PRKN: variants seen among roughly 807,000 people sequenced by gnomAD.
The protein encoded by PRKN is parkin RBR E3 ubiquitin protein ligase, also known as E3 ubiquitin-protein ligase parkin.
A neutral mutation model predicts 59.5 loss-of-function variants in PRKN; 56 were observed. The observed-to-expected ratio is 0.94, with a 90% confidence interval of 0.76 to 1.18. The LOEUF (loss-of-function observed/expected upper bound fraction) is 1.18. Among genes scored for constraint, PRKN ranks in the 50% most tolerant of loss-of-function variants. The probability of loss-of-function intolerance (pLI) is 0.00; values close to 1 mark genes in which losing one functional copy is unlikely to be tolerated. For missense variants in PRKN, 657 were observed against 596.4 expected, an observed-to-expected ratio of 1.10 and a Z score of -1.06; for synonymous variants, 250 against 222.1, an observed-to-expected ratio of 1.13 and a Z score of -1.12.
chr6:162,199,085 A>C (rs1385505057), intron 4 of PRKN, among the ~76,000 whole-genome samples: 2 of 152,120 alleles, frequency 1.3e-5, no homozygotes, highest in Non-Finnish European at 2.9e-5. Flanking sequence ...TTTCAACATG[A>C]ATTCCACCTC....
chr6:162,415,483 A>C (rs1788583246), intron 2 of PRKN, among the ~76,000 whole-genome samples: 1 of 152,154 alleles, frequency 6.6e-6, no homozygotes, highest in Admixed American at 6.5e-5. Context: ...CTACTTTAAG[A>C]GTAGCTGTTC....
intron 1 of PRKN, among the ~76,000 whole-genome samples, chr6:162,659,343 C>T (rs1468765347): frequency 6.6e-6 from 1 of 151,926 alleles, no homozygotes; most frequent in Non-Finnish European, 1.5e-5. Context: ...TTGTAAGCTA[C>T]TTTTCTATAT....
chr6:161,757,871 C>CGCTCTCTCTCTCTCTCTGTG (rs1789002419), intron 7 of PRKN, among the ~76,000 whole-genome samples: 1 of 97,984 alleles, frequency 1.0e-5, no homozygotes. Flanking sequence ...CTCTCTCTCT[C>CGCTCTCTCTCTCTCTCTGTG]TGTGTATATA....
intron 5 of PRKN, among the ~76,000 whole-genome samples, chr6:161,992,784 A>G (rs1193751331): frequency 6.6e-6 from 1 of 152,208 alleles, no homozygotes; most frequent in Non-Finnish European, 1.5e-5. Context: ...GAATAAAACT[A>G]GAAATGATAG....
At chr6:162,505,619 TATACA>T (rs1562339186) in intron 1 of PRKN, among the ~76,000 whole-genome samples, 1 of 152,112 alleles carries the variant, frequency 6.6e-6, no homozygotes, top group African/African-American at 2.4e-5. Context: ...CAAAAGCAAC[TATACA>T]ATACAATTAA....
At chr6:162,280,633 A>T (rs1780849257) in intron 2 of PRKN, among the ~76,000 whole-genome samples, 1 of 152,012 alleles carries the variant, frequency 6.6e-6, no homozygotes, top group Non-Finnish European at 1.5e-5. Context: ...TCTACTAAAA[A>T]TACAAAAATT....
intron 2 of PRKN, among the ~76,000 whole-genome samples, chr6:162,389,095 C>T (rs143599868): frequency 5.3e-5 from 8 of 151,754 alleles, no homozygotes; most frequent in East Asian, 3.9e-4. Flanking sequence ...TAGCCCTTCC[C>T]GATCACTTCT....
At chr6:162,060,054 C>T (rs1200147256) in intron 4 of PRKN, among the ~76,000 whole-genome samples, 2 of 152,214 alleles carry the variant, frequency 1.3e-5, no homozygotes, top group African/African-American at 4.8e-5. Context: ...AACCACACAG[C>T]CTATCACGTT....
At chr6:161,848,936 C>G (rs1793310049) in intron 6 of PRKN, among the ~76,000 whole-genome samples, 1 of 152,110 alleles carries the variant, frequency 6.6e-6, no homozygotes, top group African/African-American at 2.4e-5. Context: ...TTCTGGTGGT[C>G]CTTGGTGACT....
chr6:162,492,110 C>T (rs1792844176), intron 1 of PRKN, among the ~76,000 whole-genome samples: 1 of 152,176 alleles, frequency 6.6e-6, no homozygotes, highest in Non-Finnish European at 1.5e-5. Flanking sequence ...TTCTTTTGGT[C>T]TCCTCTTCTG....
In PRKN at chr6:162,189,026, G is replaced by A. The variant is rs186899452; in HGVS notation, c.534+12105C>T. On this transcript the variant is annotated intron_variant, in intron 4 of 11. Transcript: ENST00000366898. The stretch of plus-strand genomic sequence containing the variant: ...ATTCCTATTCTAATTATCTTCTATA[G>A]GAGGGAATTGAGATTAGACGACTGC... 3.6e-3 allele frequency among the ~76,000 whole-genome samples: 546 copies of A among 151,604 alleles called. 3 individuals carry two copies. The highest frequency in any genetic ancestry group is 0.013 in the African/African-American group (525 of 41,322).
At position 161,823,442 on chromosome 6, in the gene PRKN, G is replaced by A. The variant is rs143004468; in HGVS notation, c.735-37534C>T. On this transcript the variant is annotated intron_variant, in intron 6 of 11. Transcript: ENST00000366898. ...TGGGCTGGGTACACTGCAGACACTAGGAGGAATCCAAACAAACGAATCTTT... is the reference window on the plus strand; with the variant it reads ...TGGGCTGGGTACACTGCAGACACTAAGAGGAATCCAAACAAACGAATCTTT... Among the ~76,000 whole-genome samples, 346 of 152,206 alleles carry A rather than the reference G, an allele frequency of 2.3e-3. 6 individuals carry two copies. The highest frequency in any genetic ancestry group is 0.019 in the East Asian group (96 of 5,168).
chr6:161,944,999 A>G (rs944308729), intron 6 of PRKN, among the ~76,000 whole-genome samples: 5 of 152,194 alleles, frequency 3.3e-5, no homozygotes, highest in Non-Finnish European at 5.9e-5. Flanking sequence ...CTCAAGTTAT[A>G]TATGAGGAAG....
chr6:162,217,802 ATTG>A (rs1302813112), intron 3 of PRKN, among the ~76,000 whole-genome samples: 1 of 152,172 alleles, frequency 6.6e-6, no homozygotes, highest in African/African-American at 2.4e-5. Flanking sequence ...CTATCATGGT[ATTG>A]TTAAGGCTCC....
chr6:161,949,657 C>T (rs993916307), intron 6 of PRKN, among the ~76,000 whole-genome samples: 3 of 152,192 alleles, frequency 2.0e-5, no homozygotes, highest in African/African-American at 7.2e-5. Flanking sequence ...ATAACTACAG[C>T]TTACTTCCTA....
At position 161,373,978 on chromosome 6, in the gene PRKN, TC is replaced by T. The variant is rs562488876; in HGVS notation, c.1167+12815del. Among the ~76,000 whole-genome samples, 11 of 152,270 alleles carry T rather than the reference TC, an allele frequency of 7.2e-5. No individual in the cohort carries two copies. The East Asian group carries it at 2.1e-3, about 29-fold the overall frequency. On this transcript the variant is annotated intron_variant, in intron 10 of 11. Transcript: ENST00000366898. The surrounding 1 kb of genome is among the most constrained non-coding windows in gnomAD (Gnocchi z 4.8). Reference sequence around the variant, plus strand: ...GGGTGCCTTTCAAAGTGGCGTTCACTCCCTTTTCCCCCAGGTCATTTTATTT... The same window carrying T: ...GGGTGCCTTTCAAAGTGGCGTTCACTCCTTTTCCCCCAGGTCATTTTATTT...
rs751566636 is a variant in PRKN, at chr6:162,465,489, T to C, written c.8-22016A>G. On this transcript the variant is annotated intron_variant, in intron 1 of 11. Coordinates refer to ENST00000366898, the MANE Select transcript of PRKN (RefSeq NM_004562.3). ...GACATAAATAGTGTCAGTGAAAATGTTGATCAAAGAAATGAAATTCTAATA... is the reference window on the plus strand; with the variant it reads ...GACATAAATAGTGTCAGTGAAAATGCTGATCAAAGAAATGAAATTCTAATA... Among the ~76,000 whole-genome samples the C allele has an allele frequency of 4.2e-4, 64 of 152,172 alleles. 3 individuals are homozygous for C. Among genetic ancestry groups the C allele is most frequent in the Non-Finnish European group, 7.4e-5 (5 of 68,022 alleles).
intron 4 of PRKN, among the ~76,000 whole-genome samples, chr6:162,059,483 A>C (rs1442823534): frequency 6.6e-6 from 1 of 152,230 alleles, no homozygotes; most frequent in African/African-American, 2.4e-5. Flanking sequence ...TTAATTGCCT[A>C]ATCATTGAAC....
intron 8 of PRKN, among the ~76,000 whole-genome samples, chr6:161,557,106 T>G (rs1178302614): frequency 6.6e-6 from 1 of 152,208 alleles, no homozygotes; most frequent in Non-Finnish European, 1.5e-5. Context: ...AATAACTGTT[T>G]TTCTCCTGTA....
Sources: allele counts gnomAD v4.1 joint callset (sites outside exome capture counted in the v4.1 genomes callset), GRCh38; gene constraint gnomAD v4.1.1; non-coding constraint Gnocchi (gnomAD v3.1); transcripts MANE v1.5; gene names NCBI Gene and HGNC (gene_info 2026-07-23, HGNC 2026-07-21).